The following SMC6 variants were observed in gnomAD, a reference collection of about 807,000 sequenced individuals.
SMC6 encodes the protein structural maintenance of chromosomes protein 6.
Under a neutral mutation model 142.2 loss-of-function variants are expected in SMC6, and 79 were observed. The observed-to-expected ratio is 0.56, with a 90% CI of 0.46 to 0.67. The LOEUF is 0.67. Among genes scored for constraint, SMC6 ranks in the 30% least tolerant of loss-of-function variants. SMC6 has a pLI of 0.00. For synonymous variants in SMC6, 411 were observed against 412.4 expected, an observed-to-expected ratio of 1.00 and a Z score of 0.04; for missense variants, 1,072 against 1,284.0, an observed-to-expected ratio of 0.83 and a Z score of 2.52.
chr2:17,715,607 C>T (rs1359446167), intron 15 of SMC6, among the ~76,000 whole-genome samples: 1 of 152,014 alleles, frequency 6.6e-6, no homozygotes, highest in African/African-American at 2.4e-5. Context: ...CCCCCAAGAA[C>T]ACGTGACTAA....
intron 3 of SMC6, among the ~76,000 whole-genome samples, chr2:17,745,564 T>A (rs377101405): frequency 6.6e-6 from 1 of 152,334 alleles, no homozygotes; most frequent in East Asian, 1.9e-4. Context: ...ATTGGTAATT[T>A]GTGTCTTTTC....
intron 25 of SMC6, among the ~76,000 whole-genome samples, chr2:17,672,653 T>C (rs1265039405): frequency 2.0e-5 from 3 of 152,208 alleles, no homozygotes; most frequent in Admixed American, 1.3e-4. Flanking sequence ...GAACTTCATA[T>C]GTAGAGGTTA....
intron 27 of SMC6, 138 bp from the exon 28 acceptor site, chr2:17,665,751 G>A (rs1241712763): frequency 7.0e-6 from 3 of 430,352 alleles, no homozygotes; most frequent in Non-Finnish European, 1.2e-5. Context: ...TAGAGTTCTA[G>A]GAGAAACATC....
chr2:17,665,606 G>A lies in SMC6; in HGVS notation c.3169C>T (p.Pro1057Ser), dbSNP rs754232098. 2.5e-6 allele frequency: 4 copies of A among 1,598,076 alleles called. No homozygotes were observed. Among genetic ancestry groups the A allele is most frequent in the South Asian group, 1.1e-5 (1 of 88,664 alleles). Residue 1057 changes from proline (P) to serine (S), a missense_variant, in exon 28 of 28, where the codon CCA becomes TCA. Physicochemically the swap from Pro to Ser is moderately conservative, Grantham distance 74. Transcript: ENST00000448223. ...AGAATTCTTATCAGTTTACTGGATGGAAGTGAACTAGAAGAAGCAAAATCA... is the reference window on the plus strand; with the variant it reads ...AGAATTCTTATCAGTTTACTGGATGAAAGTGAACTAGAAGAAGCAAAATCA... ...LLTPQSMSSL[P>S]SSKLIRILRM...
Position 17,741,679 on chromosome 2 carries a change from CAT to C in SMC6, c.169_170del (p.Met57ValfsTer9), listed in dbSNP as rs767852298. ...IIESIHLKNF[M>X]CHSMLGPFKF... ...TAAAAGGTCCAAGCATTGAATGACA[CAT>C]GAAGTTTTTTAGGTGAATACTCTCA... On this transcript the variant is annotated frameshift_variant, in exon 4 of 28. Coordinates refer to ENST00000448223, the MANE Select transcript of SMC6 (RefSeq NM_001142286.2). LOFTEE classifies it high-confidence loss of function. The C allele has an allele frequency of 6.2e-7, 1 of 1,611,820 alleles. No individual in the cohort carries two copies. Among genetic ancestry groups the C allele is most frequent in the South Asian group, 1.1e-5 (1 of 90,394 alleles).
At chr2:17,746,012 A>T in intron 2 of SMC6, 61 bp from the exon 3 acceptor site, 1 of 1,382,482 alleles carries the variant, frequency 7.2e-7, no homozygotes, top group Non-Finnish European at 9.5e-7. Context: ...TAAACTCAAC[A>T]AAATAAATCT....
At chr2:17,689,384 C>T (rs769590739) in intron 23 of SMC6, among the ~76,000 whole-genome samples, 16 of 152,146 alleles carry the variant, frequency 1.1e-4, no homozygotes, top group Non-Finnish European at 1.8e-4. Flanking sequence ...TGGAACTGGA[C>T]TACAGGTATC....
At chr2:17,713,140 C>T (rs1479171980) in intron 16 of SMC6, among the ~76,000 whole-genome samples, 1 of 152,216 alleles carries the variant, frequency 6.6e-6, no homozygotes, top group Non-Finnish European at 1.5e-5. Flanking sequence ...CTTCCCTTTT[C>T]CCTTTCTGCA....
At chr2:17,704,984 C>T (rs543367629) in intron 18 of SMC6, among the ~76,000 whole-genome samples, 23 of 151,740 alleles carry the variant, frequency 1.5e-4, no homozygotes, top group Admixed American at 5.2e-4. Context: ...CAGCTGGGCA[C>T]GGTGGCTCAC....
At chr2:17,731,993 A>C in intron 5 of SMC6, 116 bp from the exon 6 acceptor site, 1 of 1,011,944 alleles carries the variant, frequency 9.9e-7, no homozygotes, top group Non-Finnish European at 1.4e-6. Flanking sequence ...TTCATTTGCA[A>C]ATTAGATTTA....
intron 3 of SMC6, among the ~76,000 whole-genome samples, chr2:17,743,633 G>A (rs1199398436): frequency 3.3e-5 from 5 of 151,960 alleles, no homozygotes; most frequent in Admixed American, 2.0e-4. Flanking sequence ...GGGTTCACTC[G>A]ATATTATTGT....
At chr2:17,683,499 G>C in intron 24 of SMC6, 139 bp downstream of exon 24, 1 of 793,924 alleles carries the variant, frequency 1.3e-6, no homozygotes, top group Non-Finnish European at 1.9e-6. Context: ...GGAATTGTCT[G>C]ATTAAATTAG....
intron 2 of SMC6, among the ~76,000 whole-genome samples, chr2:17,750,478 A>C (rs572824326): frequency 1.1e-4 from 17 of 152,320 alleles, no homozygotes; most frequent in African/African-American, 4.1e-4. Flanking sequence ...CAAGTAAATG[A>C]CTTGAATTTA....
intron 18 of SMC6, among the ~76,000 whole-genome samples, chr2:17,705,390 A>G (rs1668457755): frequency 6.6e-6 from 1 of 152,142 alleles, no homozygotes; most frequent in Admixed American, 6.5e-5. Context: ...CAGCCTTGTC[A>G]ATATGGTGAA....
intron 10 of SMC6, 26 bp from the exon 11 acceptor site, chr2:17,721,064 T>C: frequency 6.2e-7 from 1 of 1,613,040 alleles, no homozygotes. Context: ...TATAGCAAAT[T>C]GATCAGATTA....
At chr2:17,747,128 G>C (rs535281029) in intron 2 of SMC6, among the ~76,000 whole-genome samples, 1 of 152,258 alleles carries the variant, frequency 6.6e-6, no homozygotes, top group African/African-American at 2.4e-5. Context: ...AGACCACCTA[G>C]AGAGCCTAGA....
chr2:17,668,704 G>GAAC (rs975622868), intron 26 of SMC6, among the ~76,000 whole-genome samples: 1 of 152,048 alleles, frequency 6.6e-6, no homozygotes, highest in African/African-American at 2.4e-5. Context: ...AGTGGCATTT[G>GAAC]AACAATGTCC....
At chr2:17,714,560 C>G (rs1668987573) in intron 16 of SMC6, among the ~76,000 whole-genome samples, 1 of 152,200 alleles carries the variant, frequency 6.6e-6, no homozygotes, top group South Asian at 2.1e-4. Context: ...TGCCAATGTT[C>G]TTCCTCAGGC....
chr2:17,675,283 T>C (rs1666950076), intron 25 of SMC6, among the ~76,000 whole-genome samples: 1 of 152,264 alleles, frequency 6.6e-6, no homozygotes, highest in African/African-American at 2.4e-5. Context: ...AGTTTAGAAC[T>C]CCATGTACTT....
Sources: allele counts gnomAD v4.1 joint callset (sites outside exome capture counted in the v4.1 genomes callset), GRCh38; gene constraint gnomAD v4.1.1; transcripts MANE v1.5; gene names NCBI Gene and HGNC (gene_info 2026-07-23, HGNC 2026-07-21).